MGRN1: variants seen among roughly 807,000 people sequenced by gnomAD.
MGRN1 encodes the protein mahogunin ring finger 1.
Under a neutral mutation model 69.2 loss-of-function variants are expected in MGRN1, and 29 were observed. The ratio of observed to expected loss-of-function variants is 0.42; its 90% CI spans 0.31 to 0.57. The LOEUF is 0.57. Among genes scored for constraint, MGRN1 ranks in the 20% least tolerant of loss-of-function variants. The pLI is 0.15. For missense variants in MGRN1, 998 were observed against 796.2 expected, an observed-to-expected ratio of 1.25 and a Z score of -3.05; for synonymous variants, 470 against 344.2, an observed-to-expected ratio of 1.37 and a Z score of -4.04.
chr16:4,671,438 C>G lies in MGRN1; in HGVS notation c.774C>G (p.Asn258Lys), dbSNP rs527392096. The change falls in exon 9 of 17, where the codon AAC becomes AAG. Residue 258 changes from asparagine to lysine, a missense_variant. Coordinates refer to ENST00000262370, the MANE Select transcript of MGRN1 (RefSeq NM_015246.4). ...TGCAGGAGATCTATGGCATTGAGAA[C>G]AAGAACAACCAGGAGACCAAGGTGT... is the stretch of plus-strand genomic sequence containing the variant. ...YLLQEIYGIE[N>K]KNNQETKPSD... is the part of the protein sequence containing the mutation. The G allele has an allele frequency of 2.5e-6, 4 of 1,614,070 alleles. No individual in the cohort carries two copies. The African/African-American group carries it at 4.0e-5, about 16-fold the overall frequency.
chr16:4,668,449 A>G lies in MGRN1; in HGVS notation c.726+137A>G, dbSNP rs547566158. The G allele has an allele frequency of 1.8e-4, 154 of 854,830 alleles. 1 individual carries two copies. The East Asian group carries it at 2.7e-3, about 15-fold the overall frequency. The allele number at this position is 854,830 out of a possible 1,614,324, so 53.0% of individuals were successfully genotyped here. A position where few individuals can be genotyped will look rare whatever the true frequency, so the allele number is the denominator to read the frequency against. On this transcript the variant is annotated intron_variant, in intron 8 of 16. Transcript: ENST00000262370. ...TACACGCTCATACACACTCATACAC[A>G]TTCACTTGCACATATATACGGACAC...
At chr16:4,684,148 G>C (rs980511861) in intron 16 of MGRN1, among the ~76,000 whole-genome samples, 3 of 152,268 alleles carry the variant, frequency 2.0e-5, no homozygotes, top group Non-Finnish European at 4.4e-5. Flanking sequence ...CCTGGCTCTT[G>C]GGAGCGGAAC....
At chr16:4,687,628 G>A in intron 16 of MGRN1, 1 of 955,728 alleles carries the variant, frequency 1.0e-6, no homozygotes, top group Non-Finnish European at 1.2e-6. Context: ...AGAGAAGGCA[G>A]CTCCAGGAGT....
chr16:4,659,800 G>A (rs1257843958), intron 5 of MGRN1, among the ~76,000 whole-genome samples: 1 of 152,252 alleles, frequency 6.6e-6, no homozygotes, highest in Non-Finnish European at 1.5e-5. Context: ...ACTTACTGGT[G>A]TAGATTCAGA....
At chr16:4,629,330 G>C (rs996383250) in intron 1 of MGRN1, among the ~76,000 whole-genome samples, 3 of 152,144 alleles carry the variant, frequency 2.0e-5, no homozygotes, top group African/African-American at 7.2e-5. Context: ...TTTTCTCCCA[G>C]TCTGGCTTGT....
At chr16:4,664,005 A>C (rs1449639130) in intron 5 of MGRN1, 1 of 152,540 alleles carries the variant, frequency 6.6e-6, no homozygotes. Context: ...GGAGTTGCCC[A>C]GTGACCAGCA....
intron 1 of MGRN1, among the ~76,000 whole-genome samples, chr16:4,640,981 G>C (rs970039894): frequency 2.0e-5 from 3 of 152,214 alleles, no homozygotes; most frequent in African/African-American, 7.2e-5. Flanking sequence ...AGCGGGAAAG[G>C]GGGTGAAGGC....
At chr16:4,683,663 C>G (rs775778186) in intron 15 of MGRN1, among the ~76,000 whole-genome samples, 180 bp from the exon 16 acceptor site, 1 of 152,124 alleles carries the variant, frequency 6.6e-6, no homozygotes, top group Non-Finnish European at 1.5e-5. Flanking sequence ...AAGGGAAACA[C>G]CCAGCTTTGG....
intron 15 of MGRN1, 106 bp from the exon 16 acceptor site, chr16:4,683,737 C>A: frequency 3.2e-6 from 3 of 935,776 alleles, no homozygotes; most frequent in Non-Finnish European, 4.9e-6. Flanking sequence ...GGGGTCCCCA[C>A]AGTGGCTACA....
intron 1 of MGRN1, among the ~76,000 whole-genome samples, chr16:4,632,226 G>A (rs1898045618): frequency 6.6e-6 from 1 of 151,606 alleles, no homozygotes; most frequent in East Asian, 1.9e-4. Context: ...ATGTTGGCAG[G>A]GATGGTCTTG....
At chr16:4,653,540 G>A (rs1227352422) in intron 4 of MGRN1, among the ~76,000 whole-genome samples, 5 of 152,238 alleles carry the variant, frequency 3.3e-5, no homozygotes, top group East Asian at 3.8e-4. Context: ...CCAGGCTGGC[G>A]TGCAGTGGCA....
At chr16:4,682,735 G>T in intron 13 of MGRN1, 88 bp from the exon 14 acceptor site, 2 of 1,396,294 alleles carry the variant, frequency 1.4e-6, no homozygotes, top group Admixed American at 5.3e-5. Flanking sequence ...GTGTGCAGGG[G>T]CCCCCAGGTG....
At chr16:4,671,689 A>G (rs970033970) in intron 9 of MGRN1, among the ~76,000 whole-genome samples, 1 of 152,182 alleles carries the variant, frequency 6.6e-6, no homozygotes, top group Admixed American at 6.5e-5. Context: ...CAGGTTCCCC[A>G]GGGCAGCCCA....
intron 3 of MGRN1, among the ~76,000 whole-genome samples, chr16:4,652,295 G>C (rs923997601): frequency 6.6e-6 from 1 of 152,154 alleles, no homozygotes; most frequent in African/African-American, 2.4e-5. Context: ...AGGCAGCCAG[G>C]TGGGGTGCTT....
chr16:4,648,906 C>G (rs1170195880), intron 1 of MGRN1, among the ~76,000 whole-genome samples: 1 of 151,504 alleles, frequency 6.6e-6, no homozygotes, highest in Non-Finnish European at 1.5e-5. Context: ...CCGGCTCCTC[C>G]TCTCGGGGAC....
At chr16:4,651,476 A>G (rs2078405176) in intron 2 of MGRN1, among the ~76,000 whole-genome samples, 2 of 152,214 alleles carry the variant, frequency 1.3e-5, no homozygotes, top group South Asian at 4.1e-4. Flanking sequence ...CTCCAGAAGA[A>G]GCTAGAAGGC....
At chr16:4,677,258 T>A in intron 10 of MGRN1, 1 of 448,618 alleles carries the variant, frequency 2.2e-6, no homozygotes, top group South Asian at 4.4e-5. Context: ...GGGAGCTGCT[T>A]CTTTCTTTCT....
intron 9 of MGRN1, 121 bp downstream of exon 9, chr16:4,671,580 C>T: frequency 2.4e-6 from 2 of 835,188 alleles, no homozygotes; most frequent in Non-Finnish European, 3.9e-6. Flanking sequence ...ACCCGCTAGA[C>T]AACATCATTT....
At position 4,681,476 on chromosome 16, in the gene MGRN1, A is replaced by C. The variant is rs1247950081; in HGVS notation, c.1132-74A>C. 3 of 1,392,432 alleles carry C rather than the reference A, an allele frequency of 2.2e-6. No homozygotes were observed. The Admixed American group carries it at 5.8e-5, about 27-fold the overall frequency. 86.3% of individuals were successfully genotyped at this position (1,392,432 alleles called of 1,614,324 possible). A position where few individuals can be genotyped will look rare whatever the true frequency, so the allele number is the denominator to read the frequency against. On this transcript the variant is annotated intron_variant, in intron 12 of 16. Transcript: ENST00000262370. ...TCCCCCAAAGAACAGAGTGGACAGG[A>C]GGTCATCAGGAGGAGCGTCTGGGGA...
Sources: allele counts gnomAD v4.1 joint callset (sites outside exome capture counted in the v4.1 genomes callset), GRCh38; gene constraint gnomAD v4.1.1; transcripts MANE v1.5; gene names NCBI Gene and HGNC (gene_info 2026-07-23, HGNC 2026-07-21).